CNTRL: variants seen among roughly 807,000 people sequenced by gnomAD.
CNTRL encodes centriolin, also known as 110 kDa centrosomal protein.
CNTRL carries 233 observed loss-of-function variants against 303.7 expected under a neutral mutation model. That is an observed-to-expected ratio of 0.77 (90% CI 0.69 to 0.86). CNTRL has a LOEUF of 0.86. Among genes scored for constraint, CNTRL ranks in the 40% least tolerant of loss-of-function variants. CNTRL has a pLI of 0.00. For synonymous variants in CNTRL, 900 were observed against 922.2 expected (o/e 0.98, Z 0.44); for missense variants, 2,524 against 2,650.6 (o/e 0.95, Z 1.05).
At chr9:121,164,021 C>T (rs529988472) in intron 34 of CNTRL, among the ~76,000 whole-genome samples, 33 of 152,140 alleles carry the variant, frequency 2.2e-4, no homozygotes, top group Non-Finnish European at 3.2e-4. Flanking sequence ...CCCGTCACCA[C>T]GCCTGGCTAA....
At chr9:121,098,964 A>T (rs2049011614) in intron 7 of CNTRL, among the ~76,000 whole-genome samples, 1 of 152,182 alleles carries the variant, frequency 6.6e-6, no homozygotes, top group South Asian at 2.1e-4. Flanking sequence ...CAGTAAGGGG[A>T]GGGAGCAGCT....
intron 12 of CNTRL, chr9:121,121,736 G>C: frequency 2.0e-6 from 2 of 977,932 alleles, no homozygotes; most frequent in Non-Finnish European, 2.4e-6. Flanking sequence ...GCCCGCAGAG[G>C]CTGCTGGTGA....
chr9:121,150,482 TA>T lies in CNTRL; in HGVS notation c.3963del (p.Glu1322ArgfsTer7), dbSNP rs2134214757. ...TGCAACGTCCCTGAACACCATAACT[TA>T]GTAAGTGGAAAGACATACAACTCTC... ...LHCNVPEHHNLENEVSRLEDI... is the reference protein window; with the variant it reads ...LHCNVPEHHNXENEVSRLEDI... On this transcript the variant is annotated frameshift_variant and splice_region_variant, in exon 25 of 44. Transcript: ENST00000373855. LOFTEE classifies it high-confidence loss of function. The T allele has an allele frequency of 6.2e-7, 1 of 1,613,746 alleles. No homozygotes were observed. Among genetic ancestry groups the T allele is most frequent in the Non-Finnish European group, 8.5e-7 (1 of 1,179,718 alleles).
At chr9:121,136,052 TA>T in intron 15 of CNTRL, 70 bp downstream of exon 15, 1 of 1,317,018 alleles carries the variant, frequency 7.6e-7, no homozygotes, top group Non-Finnish European at 1.0e-6. Flanking sequence ...TTCTTTTATT[TA>T]TGTCTTAATT....
intron 4 of CNTRL, among the ~76,000 whole-genome samples, chr9:121,092,203 C>T (rs1382732790): frequency 6.9e-6 from 1 of 145,548 alleles, no homozygotes; most frequent in African/African-American, 2.5e-5. Context: ...ACAAGATCTT[C>T]AGAAAATAAA....
intron 7 of CNTRL, among the ~76,000 whole-genome samples, chr9:121,101,422 G>A (rs1486554523): frequency 6.6e-6 from 1 of 152,174 alleles, no homozygotes; most frequent in Non-Finnish European, 1.5e-5. Flanking sequence ...GAAATGTATA[G>A]CACTAAATGC....
intron 1 of CNTRL, among the ~76,000 whole-genome samples, chr9:121,078,855 C>T (rs889736272): frequency 6.6e-6 from 1 of 152,202 alleles, no homozygotes; most frequent in African/African-American, 2.4e-5. Flanking sequence ...TGGGAAGGGG[C>T]GTAGAGCTTC....
chr9:121,157,557 C>G lies in CNTRL; in HGVS notation c.4453C>G (p.Gln1485Glu), dbSNP rs1564287896. Residue 1485 changes from glutamine to glutamate, a missense_variant, in exon 28 of 44, where the codon CAG becomes GAG. By Grantham distance (29) the Gln-to-Glu change is conservative (BLOSUM62 2). Transcript: ENST00000373855. Reference sequence around the variant, plus strand: ...TGCTGAGGAATTAGAAAGGAGAGCTCAGGAAACTGCTGTTAACCTCGTCAA... The same window carrying G: ...TGCTGAGGAATTAGAAAGGAGAGCTGAGGAAACTGCTGTTAACCTCGTCAA... ...SDAEELERRA[Q>E]ETAVNLVKAD... is the part of the protein sequence containing the mutation. 2.4e-5 allele frequency: 39 copies of G among 1,614,088 alleles called. No individual in the cohort carries two copies. The highest frequency in any genetic ancestry group is 3.3e-5 in the Non-Finnish European group (39 of 1,179,990).
intron 14 of CNTRL, among the ~76,000 whole-genome samples, chr9:121,132,875 C>A (rs2050948096): frequency 6.6e-6 from 1 of 152,144 alleles, no homozygotes; most frequent in Admixed American, 6.5e-5. Context: ...TGTTAGTTTT[C>A]CTTCTAACAG....
chr9:121,158,184 T>C lies in CNTRL; in HGVS notation c.4764+75T>C, dbSNP rs796795139. ...TATAAAAGTAATACATGTTTAATTG[T>C]AGAAAAGAATAAATGCGGCTATGTA... On this transcript the variant is annotated intron_variant, in intron 30 of 43. Coordinates refer to ENST00000373855, the MANE Select transcript of CNTRL (RefSeq NM_007018.6). The C allele has an allele frequency of 2.0e-6, 3 of 1,517,932 alleles. No individual in the cohort carries two copies. The African/African-American group carries it at 4.2e-5, about 21-fold the overall frequency. 94.0% of individuals were successfully genotyped at this position (1,517,932 alleles called of 1,614,324 possible).
intron 2 of CNTRL, among the ~76,000 whole-genome samples, chr9:121,087,244 G>A (rs1377512336): frequency 6.6e-6 from 1 of 152,178 alleles, no homozygotes; most frequent in Admixed American, 6.5e-5. Context: ...GCAGTGTTCA[G>A]TATTTAGGGA....
chr9:121,093,944 A>G (rs1365929969), intron 4 of CNTRL, among the ~76,000 whole-genome samples: 4 of 152,086 alleles, frequency 2.6e-5, no homozygotes, highest in Admixed American at 6.5e-5. Flanking sequence ...CCCCATCTCT[A>G]CTAAAAATAC....
chr9:121,169,520 C>A, intron 38 of CNTRL, 91 bp from the exon 39 acceptor site: 1 of 1,207,934 alleles, frequency 8.3e-7, no homozygotes, highest in Non-Finnish European at 1.2e-6. Flanking sequence ...GGTAGCATAT[C>A]ACCATTATGC....
chr9:121,109,134 G>C (rs553302668), intron 8 of CNTRL, among the ~76,000 whole-genome samples: 1 of 151,964 alleles, frequency 6.6e-6, no homozygotes, highest in South Asian at 2.1e-4. Context: ...AGTGACTTTC[G>C]TACATCCTCT....
chr9:121,078,587 G>C (rs2048021070), intron 1 of CNTRL, among the ~76,000 whole-genome samples: 1 of 152,150 alleles, frequency 6.6e-6, no homozygotes, highest in African/African-American at 2.4e-5. Flanking sequence ...TGTCTACCTG[G>C]AGACAGCGTC....
chr9:121,100,893 A>T (rs964692070), intron 7 of CNTRL, among the ~76,000 whole-genome samples: 1 of 152,202 alleles, frequency 6.6e-6, no homozygotes, highest in Non-Finnish European at 1.5e-5. Context: ...AATACAGGAG[A>T]ATCCAGATTC....
rs752251307 is a variant in CNTRL at position 121,173,349 on chromosome 9, T to C, written c.6524T>C (p.Leu2175Pro). Residue 2175 changes from leucine to proline, a missense_variant, in exon 41 of 44, where the codon CTT becomes CCT. Coordinates refer to ENST00000373855, the MANE Select transcript of CNTRL (RefSeq NM_007018.6). ...GAAATCAGAACCAGCTTGAAGAATCTTAATCAGTTTCTTCCAGAACTACCA... is the reference window on the plus strand; with the variant it reads ...GAAATCAGAACCAGCTTGAAGAATCCTAATCAGTTTCTTCCAGAACTACCA... ...KDEIRTSLKN[L>P]NQFLPELPAD... 11 of 1,614,086 alleles carry C rather than the reference T, an allele frequency of 6.8e-6. No homozygotes were observed. The highest frequency in any genetic ancestry group is 1.7e-5 in the Admixed American group (1 of 60,010).
intron 27 of CNTRL, among the ~76,000 whole-genome samples, chr9:121,156,949 A>G (rs1034395651): frequency 2.2e-4 from 33 of 152,156 alleles, no homozygotes; most frequent in African/African-American, 8.0e-4. Flanking sequence ...CTTCCTTCCC[A>G]CTTAGTTGGG....
chr9:121,140,326 A>C (rs554981620), intron 16 of CNTRL, among the ~76,000 whole-genome samples: 6 of 152,136 alleles, frequency 3.9e-5, no homozygotes, highest in Non-Finnish European at 7.4e-5. Context: ...CAGATGATCT[A>C]TGGCCAGGAT....
Sources: gnomAD v4.1 joint callset for allele counts (sites outside exome capture counted in the v4.1 genomes callset) on GRCh38, gnomAD v4.1.1 for gene constraint, MANE v1.5 for transcripts, NCBI Gene and HGNC (gene_info 2026-07-23, HGNC 2026-07-21) for gene names.